Variants in DSCAM observed in about 807,000 individuals in gnomAD.
DSCAM encodes the protein cell adhesion molecule DSCAM.
DSCAM carries 47 observed loss-of-function variants against 217.7 expected under a neutral mutation model. That is an observed-to-expected ratio of 0.22 (90% CI 0.17 to 0.28). The LOEUF is 0.28. Among genes scored for constraint, DSCAM ranks in the 10% least tolerant of loss-of-function variants. DSCAM has a pLI of 1.00. For missense variants in DSCAM, 2,080 were observed against 2,618.3 expected, an observed-to-expected ratio of 0.79 and a Z score of 4.49; for synonymous variants, 1,056 against 1,015.3, an observed-to-expected ratio of 1.04 and a Z score of -0.76.
At chr21:40,321,829 T>C (rs150087493) in intron 8 of DSCAM, among the ~76,000 whole-genome samples, 16 of 152,284 alleles carry the variant, frequency 1.1e-4, no homozygotes, top group African/African-American at 3.4e-4. Context: ...ATAGGGGCTC[T>C]TACATGTGAG....
intron 3 of DSCAM, among the ~76,000 whole-genome samples, chr21:40,460,976 C>T (rs374548252): frequency 6.6e-6 from 1 of 152,148 alleles, no homozygotes; most frequent in African/African-American, 2.4e-5. Flanking sequence ...ATATACGGTG[C>T]ATATGCAAGC....
chr21:40,765,279 G>T (rs1033553105), intron 1 of DSCAM, among the ~76,000 whole-genome samples: 2 of 152,118 alleles, frequency 1.3e-5, no homozygotes, highest in Non-Finnish European at 2.9e-5. Context: ...AATTCCTTGC[G>T]CAGAGCAACT....
intron 3 of DSCAM, among the ~76,000 whole-genome samples, chr21:40,546,586 T>G (rs1290942576): frequency 6.6e-6 from 1 of 152,214 alleles, no homozygotes; most frequent in Admixed American, 6.5e-5. Flanking sequence ...GATCTGGCAG[T>G]AAATACATGG....
At chr21:40,751,011 G>T (rs2091222033) in intron 1 of DSCAM, among the ~76,000 whole-genome samples, 2 of 152,074 alleles carry the variant, frequency 1.3e-5, no homozygotes, top group African/African-American at 4.8e-5. Flanking sequence ...GTCATATAAT[G>T]CCACCCTGTT....
chr21:40,191,326 G>C (rs1194593433), intron 11 of DSCAM, among the ~76,000 whole-genome samples: 1 of 152,156 alleles, frequency 6.6e-6, no homozygotes, highest in Admixed American at 6.5e-5. Flanking sequence ...TAATAAGATG[G>C]AAAGTAGGCA....
intron 3 of DSCAM, among the ~76,000 whole-genome samples, chr21:40,668,505 G>A (rs2146395312): frequency 6.6e-6 from 1 of 152,282 alleles, no homozygotes; most frequent in Admixed American, 6.5e-5. Context: ...AACAACCAGG[G>A]CTAAGAACCT....
chr21:40,018,170 T>C (rs925535830), intron 32 of DSCAM, among the ~76,000 whole-genome samples: 1 of 152,192 alleles, frequency 6.6e-6, no homozygotes. Context: ...AGAGCTGTCA[T>C]TAAGAAAAAA....
intron 1 of DSCAM, among the ~76,000 whole-genome samples, chr21:40,735,124 T>C (rs942555572): frequency 2.6e-5 from 4 of 152,246 alleles, no homozygotes; most frequent in African/African-American, 9.6e-5. Flanking sequence ...GTTATTTGCA[T>C]GTATCACACT....
At chr21:40,070,198 G>A (rs2089270786) in intron 27 of DSCAM, among the ~76,000 whole-genome samples, 1 of 149,848 alleles carries the variant, frequency 6.7e-6, no homozygotes, top group African/African-American at 2.5e-5. Flanking sequence ...GAAAGAGAGA[G>A]GGAGAGAGAG....
chr21:40,666,110 G>A (rs911354177), intron 3 of DSCAM, among the ~76,000 whole-genome samples: 2 of 152,114 alleles, frequency 1.3e-5, no homozygotes, highest in Non-Finnish European at 2.9e-5. Context: ...GTAACCTGAG[G>A]AGACCAACCA....
At chr21:40,584,983 G>A (rs576307095) in intron 3 of DSCAM, among the ~76,000 whole-genome samples, 3 of 152,130 alleles carry the variant, frequency 2.0e-5, no homozygotes, top group Admixed American at 6.5e-5. Context: ...CAGAGAGAGT[G>A]CTCCCAAGAG....
chr21:40,332,577 C>G (rs532247466), intron 8 of DSCAM, among the ~76,000 whole-genome samples: 55 of 152,222 alleles, frequency 3.6e-4, no homozygotes, highest in African/African-American at 1.2e-3. Context: ...AATTAAGCAC[C>G]GTTCAAGTTC....
chr21:40,350,025 T>C (rs1416944379), intron 5 of DSCAM, among the ~76,000 whole-genome samples: 1 of 152,170 alleles, frequency 6.6e-6, no homozygotes, highest in Non-Finnish European at 1.5e-5. Flanking sequence ...TGCTTTTTAA[T>C]CCATTCTGGT....
chr21:40,687,011 T>A (rs1173990651), intron 3 of DSCAM, among the ~76,000 whole-genome samples: 2 of 152,204 alleles, frequency 1.3e-5, no homozygotes, highest in African/African-American at 4.8e-5. Flanking sequence ...AAACATGACA[T>A]CTCTGTGCCT....
chr21:40,139,903 G>GGT (rs2090268345), intron 18 of DSCAM, among the ~76,000 whole-genome samples: 1 of 149,922 alleles, frequency 6.7e-6, no homozygotes, highest in Admixed American at 6.7e-5. Flanking sequence ...TGTGAGGTGT[G>GGT]GTGTGTGTGG....
intron 16 of DSCAM, among the ~76,000 whole-genome samples, chr21:40,153,922 T>C (rs1601390409): frequency 6.6e-6 from 1 of 152,280 alleles, no homozygotes; most frequent in East Asian, 1.9e-4. Flanking sequence ...TCCTGGTTCT[T>C]GGCCAAACAA....
chr21:40,140,090 G>C (rs748845067), intron 18 of DSCAM, among the ~76,000 whole-genome samples: 11 of 152,014 alleles, frequency 7.2e-5, no homozygotes, highest in Non-Finnish European at 1.6e-4. Context: ...AGCCAGTCCC[G>C]GAGGCTGCAG....
At chr21:40,141,991 C>CACACACACACACACAG (rs1448755166) in intron 18 of DSCAM, among the ~76,000 whole-genome samples, 4 of 151,976 alleles carry the variant, frequency 2.6e-5, no homozygotes, top group Admixed American at 2.6e-4. Flanking sequence ...CACACACACA[C>CACACACACACACACAG]ACACACACGA....
At chr21:40,256,175 C>T (rs941243794) in intron 11 of DSCAM, among the ~76,000 whole-genome samples, 7 of 152,230 alleles carry the variant, frequency 4.6e-5, no homozygotes, top group Admixed American at 2.6e-4. Context: ...AGTGAATTTG[C>T]AGTTTCAACT....
Sources: gnomAD v4.1 joint callset for allele counts (sites outside exome capture counted in the v4.1 genomes callset) on GRCh38, gnomAD v4.1.1 for gene constraint, MANE v1.5 for transcripts, NCBI Gene and HGNC (gene_info 2026-07-23, HGNC 2026-07-21) for gene names.